The following HERC2 variants were observed in gnomAD, a reference collection of about 807,000 sequenced individuals.
The protein encoded by HERC2 is E3 ubiquitin-protein ligase HERC2.
In HERC2, 102 loss-of-function variants were observed where a neutral mutation model predicts 537.7. The observed-to-expected ratio is 0.19, with a 90% CI of 0.16 to 0.22. The LOEUF (loss-of-function observed/expected upper bound fraction) is 0.22, where lower values mean the gene tolerates loss of function less well. HERC2 is among the 10% of genes least tolerant of loss of function. The probability of loss-of-function intolerance (pLI) is 1.00; values close to 1 mark genes in which losing one functional copy is unlikely to be tolerated. For missense variants in HERC2, 4,236 were observed against 6,198.2 expected (o/e 0.68, Z 10.63); for synonymous variants, 2,224 against 2,466.2 (o/e 0.90, Z 2.91).
intron 70 of HERC2, among the ~76,000 whole-genome samples, chr15:28,148,670 A>C (rs899830238): frequency 6.6e-6 from 1 of 152,094 alleles, no homozygotes; most frequent in Non-Finnish European, 1.5e-5. Flanking sequence ...CATTCTAGTA[A>C]CACTACCGAA....
intron 69 of HERC2, among the ~76,000 whole-genome samples, chr15:28,162,340 G>A (rs1209512630): frequency 6.6e-6 from 1 of 152,044 alleles, no homozygotes; most frequent in Non-Finnish European, 1.5e-5. Flanking sequence ...AACCTTAGAC[G>A]AAAACTTGGA....
chr15:28,179,287 A>C lies in HERC2; in HGVS notation c.8938-64T>G, dbSNP rs1436111297. The C allele has an allele frequency of 5.0e-6, 6 of 1,201,980 alleles. No homozygotes were observed. The East Asian group carries it at 1.4e-4, about 29-fold the overall frequency. The allele number at this position is 1,201,980 out of a possible 1,614,324, so 74.5% of individuals were successfully genotyped here. On this transcript the variant is annotated intron_variant, in intron 57 of 92. Transcript: ENST00000261609. Reference sequence around the variant, plus strand: ...AAATTTTACTTGCATGTTTAAAATTATGTTACCTTATTATATGATACAAGG... The same window carrying C: ...AAATTTTACTTGCATGTTTAAAATTCTGTTACCTTATTATATGATACAAGG...
chr15:28,308,697 G>A (rs1418116776), intron 2 of HERC2, among the ~76,000 whole-genome samples: 10 of 152,138 alleles, frequency 6.6e-5, no homozygotes, highest in African/African-American at 2.4e-4. Flanking sequence ...TGTCATATAC[G>A]GCTTTTATTA....
At chr15:28,157,626 C>T (rs1271023735) in intron 69 of HERC2, among the ~76,000 whole-genome samples, 1 of 152,048 alleles carries the variant, frequency 6.6e-6, no homozygotes, top group Non-Finnish European at 1.5e-5. Context: ...CCACTTGATT[C>T]TTCTCTCTTT....
intron 15 of HERC2, among the ~76,000 whole-genome samples, chr15:28,261,939 G>A (rs2075425514): frequency 6.6e-6 from 1 of 152,094 alleles, no homozygotes; most frequent in South Asian, 2.1e-4. Flanking sequence ...AGGACCCAAC[G>A]AACTACAGCC....
intron 22 of HERC2, among the ~76,000 whole-genome samples, 178 bp from the exon 23 acceptor site, chr15:28,246,244 C>G (rs1361491796): frequency 6.6e-6 from 1 of 151,742 alleles, no homozygotes; most frequent in East Asian, 1.9e-4. Flanking sequence ...TAAACAGAAC[C>G]CTTTAAATTA....
chr15:28,155,117 AGTATTCCATG>A (rs1892860851), intron 69 of HERC2, among the ~76,000 whole-genome samples: 1 of 152,092 alleles, frequency 6.6e-6, no homozygotes, highest in Non-Finnish European at 1.5e-5. Context: ...ATGGCTGCAT[AGTATTCCATG>A]GTGTATATAT....
intron 44 of HERC2, among the ~76,000 whole-genome samples, chr15:28,209,890 C>G (rs1378450124): frequency 7.3e-6 from 1 of 136,988 alleles, no homozygotes; most frequent in Non-Finnish European, 1.6e-5. Flanking sequence ...TTTTTCAACA[C>G]AAAAACAATA....
intron 5 of HERC2, among the ~76,000 whole-genome samples, chr15:28,277,403 C>A (rs1439012947): frequency 8.1e-5 from 12 of 147,570 alleles, no homozygotes; most frequent in African/African-American, 3.0e-4. Context: ...GGCAACGGGA[C>A]GAACAGTACA....
In HERC2 at chr15:28,177,303, G is replaced by C; in HGVS notation, c.9254+116C>G. ...CAAACAACCGTGTTAAAAAAATTTTGTTTAAGAACCATTTCTATAATCTAT... is the reference window on the plus strand; with the variant it reads ...CAAACAACCGTGTTAAAAAAATTTTCTTTAAGAACCATTTCTATAATCTAT... On this transcript the variant is annotated intron_variant, in intron 60 of 92. Coordinates refer to ENST00000261609, the MANE Select transcript of HERC2 (RefSeq NM_004667.6). This position sits in a 1 kb window ranked among gnomAD's most constrained non-coding sequence, Gnocchi z 5.0. The C allele has an allele frequency of 7.7e-7, 1 of 1,297,504 alleles. No individual in the cohort carries two copies. The highest frequency in any genetic ancestry group is 1.1e-6 in the Non-Finnish European group (1 of 931,226). 80.4% of individuals were successfully genotyped at this position (1,297,504 alleles called of 1,614,324 possible).
At chr15:28,291,638 A>G (rs780576330) in intron 4 of HERC2, among the ~76,000 whole-genome samples, 2 of 152,120 alleles carry the variant, frequency 1.3e-5, no homozygotes, top group African/African-American at 4.8e-5. Flanking sequence ...AAAAAAAAGT[A>G]AGCAAAGAAT....
At chr15:28,140,655 G>A (rs1317753612) in intron 78 of HERC2, among the ~76,000 whole-genome samples, 2 of 151,818 alleles carry the variant, frequency 1.3e-5, no homozygotes, top group Admixed American at 6.6e-5. Flanking sequence ...CCGAGTAGCT[G>A]GGATTACAGG....
rs150982483 is a variant in HERC2, at chr15:28,253,830, C to T, written c.3050+510G>A. 2.1e-3 allele frequency among the ~76,000 whole-genome samples: 317 copies of T among 151,616 alleles called. 1 individual carries two copies. Among genetic ancestry groups the T allele is most frequent in the African/African-American group, 7.2e-3 (298 of 41,292 alleles). On this transcript the variant is annotated intron_variant, in intron 20 of 92. Transcript: ENST00000261609. ...TACAAAAATCAGCCAGGTGTGGTTG[C>T]GGACGCCTGTAGTCCCAGCTACTTG...
rs554172676 is a variant in HERC2, at chr15:28,120,050, C to A, written c.13272+1296G>T. Among the ~76,000 whole-genome samples the A allele has an allele frequency of 3.9e-5, 6 of 152,256 alleles. No individual in the cohort carries two copies. In the East Asian group the frequency reaches 7.7e-4, roughly 20 times the overall value. ...AGGTGCAAGTCAAGGTGCACTCAAT[C>A]GCGGGGGTTAGACAACGCAGAAGCC... On this transcript the variant is annotated intron_variant, in intron 86 of 92. Transcript: ENST00000261609.
intron 47 of HERC2, 22 bp from the exon 48 acceptor site, chr15:28,201,576 A>G: frequency 7.0e-7 from 1 of 1,435,392 alleles, no homozygotes; most frequent in Non-Finnish European, 9.8e-7. Flanking sequence ...AAATACATTC[A>G]AACAAAAAAA....
chr15:28,215,907 G>T (rs1567026970), intron 38 of HERC2, 105 bp from the exon 39 acceptor site: 2 of 843,060 alleles, frequency 2.4e-6, no homozygotes, highest in Non-Finnish European at 3.6e-6. Flanking sequence ...TCTAAAATAA[G>T]CTCCTTTACA....
rs762943195 is a variant in HERC2 at position 28,268,432 on chromosome 15, AGT to A, written c.1598+31_1598+32del. On this transcript the variant is annotated intron_variant, in intron 12 of 92. Transcript: ENST00000261609. The surrounding 1 kb of genome is among the most constrained non-coding windows in gnomAD (Gnocchi z 4.7). ...TTAGGATATGGCAACATAAAAGGAG[AGT>A]GTGTCCCCTACAGGAATAAGCGATA... 1 of 1,593,140 alleles carries A rather than the reference AGT, an allele frequency of 6.3e-7. No individual in the cohort carries two copies. The highest frequency in any genetic ancestry group is 1.3e-5 in the African/African-American group (1 of 74,372).
At chr15:28,199,094 C>G (rs189744494) in intron 48 of HERC2, among the ~76,000 whole-genome samples, 1 of 151,980 alleles carries the variant, frequency 6.6e-6, no homozygotes, top group African/African-American at 2.4e-5. Context: ...TTACAATGAG[C>G]CAAGATCACA....
intron 17 of HERC2, 93 bp downstream of exon 17, chr15:28,256,967 AG>A: frequency 9.8e-7 from 1 of 1,020,074 alleles, no homozygotes; most frequent in East Asian, 2.4e-5. Context: ...TTCACCGAAC[AG>A]GCTAAAACCC....
Sources: gnomAD v4.1 joint callset for allele counts (sites outside exome capture counted in the v4.1 genomes callset) on GRCh38, gnomAD v4.1.1 for gene constraint, Gnocchi (gnomAD v3.1) non-coding constraint, MANE v1.5 for transcripts, NCBI Gene and HGNC (gene_info 2026-07-23, HGNC 2026-07-21) for gene names.